Variants in BNIP3L observed in about 807,000 individuals in gnomAD.
BNIP3L encodes the protein BCL2/adenovirus E1B 19 kDa protein-interacting protein 3-like.
BNIP3L carries 10 observed loss-of-function variants against 25.5 expected under a neutral mutation model. That is an observed-to-expected ratio of 0.39 (90% confidence interval 0.24 to 0.67). BNIP3L has a LOEUF of 0.67. Ranked by LOEUF, BNIP3L falls within the 30% of genes least tolerant of loss-of-function variation. The pLI, the probability that BNIP3L is intolerant of heterozygous loss-of-function variation, is 0.45. For missense variants in BNIP3L, 215 were observed against 270.9 expected, an observed-to-expected ratio of 0.79 and a Z score of 1.45; for synonymous variants, 113 against 101.2, an observed-to-expected ratio of 1.12 and a Z score of -0.70.
At chr8:26,383,510 T>A (rs1300550776) in intron 1 of BNIP3L, 34 of 769,820 alleles carry the variant, frequency 4.4e-5, no homozygotes, top group East Asian at 1.8e-4. Flanking sequence ...CGGGGGGTGG[T>A]CCCCAGCAGC....
At chr8:26,405,510 C>T (rs147132290) in intron 3 of BNIP3L, among the ~76,000 whole-genome samples, 11 of 152,142 alleles carry the variant, frequency 7.2e-5, no homozygotes, top group Non-Finnish European at 1.0e-4. Flanking sequence ...AGCAGCAGAA[C>T]GCACAGGGGT....
At chr8:26,409,901 T>C (rs1268629528) in intron 5 of BNIP3L, among the ~76,000 whole-genome samples, 2 of 151,800 alleles carry the variant, frequency 1.3e-5, no homozygotes, top group African/African-American at 4.8e-5. Context: ...TAGGAGTTAT[T>C]AGTAAGAGCT....
intron 1 of BNIP3L, among the ~76,000 whole-genome samples, chr8:26,383,767 C>T (rs374745205): frequency 2.6e-5 from 4 of 152,194 alleles, no homozygotes; most frequent in South Asian, 2.1e-4. Context: ...TTTGTTGCCA[C>T]ACGTTTGTCA....
At chr8:26,384,508 T>C (rs1324362403) in intron 1 of BNIP3L, among the ~76,000 whole-genome samples, 1 of 152,214 alleles carries the variant, frequency 6.6e-6, no homozygotes, top group African/African-American at 2.4e-5. Flanking sequence ...AAACGTTACT[T>C]GTATCACATA....
intron 1 of BNIP3L, among the ~76,000 whole-genome samples, chr8:26,385,161 G>C (rs1805965288): frequency 6.6e-6 from 1 of 152,134 alleles, no homozygotes; most frequent in African/African-American, 2.4e-5. Context: ...GACAAAGGTG[G>C]CCAACCTTTC....
rs185895721 is a variant in BNIP3L, at chr8:26,406,692, C to T, written c.358-1308C>T. Among the ~76,000 whole-genome samples the T allele has an allele frequency of 2.3e-3, 345 of 151,896 alleles. 2 individuals carry two copies. Among genetic ancestry groups the T allele is most frequent in the African/African-American group, 8.0e-3 (330 of 41,432 alleles). Reference sequence around the variant, plus strand: ...CAAAAATTAGCTGGGCGTGGTGGCACACACCTGTAGTCCCAGCTACTTGGG... The same window carrying T: ...CAAAAATTAGCTGGGCGTGGTGGCATACACCTGTAGTCCCAGCTACTTGGG... On this transcript the variant is annotated intron_variant, in intron 3 of 5. Coordinates refer to ENST00000380629, the MANE Select transcript of BNIP3L (RefSeq NM_004331.3).
chr8:26,407,272 G>A (rs907131330), intron 3 of BNIP3L, among the ~76,000 whole-genome samples: 10 of 151,420 alleles, frequency 6.6e-5, no homozygotes, highest in South Asian at 4.2e-4. Flanking sequence ...TGCAAGCTCC[G>A]CCTCCTGGGT....
rs918541147 is a variant in BNIP3L at position 26,389,243 on chromosome 8, T to C, written c.101-2000T>C. ...ATTGGTTTAAAAATAAGTTTGAAAA[T>C]CCTAGAAACAGTGAGAGTCAGAAAA... On this transcript the variant is annotated intron_variant, in intron 1 of 5. Transcript: ENST00000380629. Among the ~76,000 whole-genome samples, 6 of 152,016 alleles carry C rather than the reference T, an allele frequency of 3.9e-5. No individual in the cohort carries two copies. In the East Asian group the frequency reaches 1.2e-3, roughly 29 times the overall value.
intron 2 of BNIP3L, among the ~76,000 whole-genome samples, chr8:26,391,802 A>G (rs985894054): frequency 6.6e-6 from 1 of 152,202 alleles, no homozygotes; most frequent in Admixed American, 6.5e-5. Flanking sequence ...CTCTGTATAT[A>G]TGTGTCTTCC....
rs1445329698 is a variant in BNIP3L, at chr8:26,411,859, C to T, written c.*1447C>T. On this transcript the variant is annotated 3_prime_UTR_variant, in exon 6 of 6. Transcript: ENST00000380629. The stretch of plus-strand genomic sequence containing the variant: ...CATTGATATTGACTATTTAGAGAAC[C>T]GTTGTTAATTTTAAAACTAGCAATC... 5 of 152,390 alleles carry T rather than the reference C, an allele frequency of 3.3e-5. No individual in the cohort carries two copies. Among genetic ancestry groups the T allele is most frequent in the East Asian group, 1.9e-4 (1 of 5,192 alleles). The allele number at this position is 152,390 out of a possible 1,614,324, so 9.4% of individuals were successfully genotyped here. A position where few individuals can be genotyped will look rare whatever the true frequency, so the allele number is the denominator to read the frequency against.
At position 26,412,243 on chromosome 8, in the gene BNIP3L, G is replaced by T. The variant is rs1373026805; in HGVS notation, c.*1831G>T. The T allele has an allele frequency of 2.0e-5, 3 of 152,124 alleles. No individual in the cohort carries two copies. The South Asian group carries it at 6.2e-4, about 32-fold the overall frequency. 9.4% of individuals were successfully genotyped at this position (152,124 alleles called of 1,614,324 possible). A position where few individuals can be genotyped will look rare whatever the true frequency, so the allele number is the denominator to read the frequency against. On this transcript the variant is annotated 3_prime_UTR_variant, in exon 6 of 6. Transcript: ENST00000380629. ...CAAGTGTTCATATTTGAATTTCTTT[G>T]GGAAGAAAGTAAATCTGATGGCTCA...
Position 26,408,260 on chromosome 8 carries a change from G to C in BNIP3L, c.495G>C (p.Val165=). Residue 165 remains valine (V), a synonymous_variant, in exon 5 of 6, where the codon GTG becomes GTC. Transcript: ENST00000380629. ...ACTTCAGACACCCTAAACGTTCTGT[G>C]TCTTTAAGCATGAGGAAAAGTGGAG... ...EFHFRHPKRS[V]SLSMRKSGAM... 1 of 1,614,130 alleles carries C rather than the reference G, an allele frequency of 6.2e-7. No homozygotes were observed.
intron 1 of BNIP3L, among the ~76,000 whole-genome samples, chr8:26,390,742 C>T (rs1291360421): frequency 6.6e-6 from 1 of 152,182 alleles, no homozygotes; most frequent in Non-Finnish European, 1.5e-5. Context: ...CAGTTGTTTG[C>T]ACTAAGTAGG....
At chr8:26,396,445 A>G (rs1268057574) in intron 3 of BNIP3L, among the ~76,000 whole-genome samples, 3 of 108,060 alleles carry the variant, frequency 2.8e-5, no homozygotes, top group Non-Finnish European at 5.6e-5. Context: ...AACAAACAGA[A>G]AGGACATCCA....
chr8:26,408,534 A>G (rs1013018334), intron 5 of BNIP3L, among the ~76,000 whole-genome samples, 158 bp downstream of exon 5: 1 of 152,202 alleles, frequency 6.6e-6, no homozygotes, highest in South Asian at 2.1e-4. Context: ...TTGTTCTACA[A>G]ATAAGCATTT....
In BNIP3L at chr8:26,411,905, C is replaced by CT. The variant is rs1806633920; in HGVS notation, c.*1495dup. 6.6e-6 allele frequency: 1 copy of CT among 152,570 alleles called. No homozygotes were observed. The highest frequency in any genetic ancestry group is 1.5e-5 in the Non-Finnish European group (1 of 68,016). 9.5% of individuals were successfully genotyped at this position (152,570 alleles called of 1,614,324 possible). On this transcript the variant is annotated 3_prime_UTR_variant, in exon 6 of 6. Transcript: ENST00000380629. Reference sequence around the variant, plus strand: ...CAATCTATAAAGTGCACCAGGTCAACTTGAATAAAAACACTATGACAGACA... The same window carrying CT: ...CAATCTATAAAGTGCACCAGGTCAACTTTGAATAAAAACACTATGACAGACA...
intron 3 of BNIP3L, among the ~76,000 whole-genome samples, chr8:26,397,327 TAAAGA>T (rs1806268450): frequency 4.1e-5 from 2 of 48,438 alleles, no homozygotes; most frequent in Admixed American, 2.3e-4. Flanking sequence ...TCAACATTCT[TAAAGA>T]AAAGAATTTT....
chr8:26,383,216 C>G lies in BNIP3L; in HGVS notation c.86C>G (p.Pro29Arg). The change falls in exon 1 of 6, where the codon CCG (proline) becomes CGG (arginine). Residue 29 changes from proline (P) to arginine (R), a missense_variant. By Grantham distance (103) the Pro-to-Arg change is moderately radical (BLOSUM62 -2). Around this residue, in one of 4 missense-constraint regions of BNIP3L, gnomAD observed 69 missense variants for 53.6 expected, o/e 1.29. Transcript: ENST00000380629. ...GAAAATGAGCAGTCTCTGCCCCCGC[C>G]GGCCGGCCTCAACAGTGAGTGCGGG... is the stretch of plus-strand genomic sequence containing the variant. The part of the protein sequence containing the change: ...CEENEQSLPP[P>R]AGLNSSWVEL... The G allele has an allele frequency of 6.2e-7, 1 of 1,610,642 alleles. No individual in the cohort carries two copies. The highest frequency in any genetic ancestry group is 2.2e-5 in the East Asian group (1 of 44,804).
intron 1 of BNIP3L, among the ~76,000 whole-genome samples, chr8:26,388,240 A>G (rs76124674): frequency 0.019 from 2,923 of 152,308 alleles, 90 homozygotes; most frequent in African/African-American, 0.067. Context: ...TCTATGATAT[A>G]GAATATAATT....
Sources: allele counts gnomAD v4.1 joint callset (sites outside exome capture counted in the v4.1 genomes callset), GRCh38; gene constraint gnomAD v4.1.1; regional missense constraint gnomAD v4.1.1; transcripts MANE v1.5; gene names NCBI Gene and HGNC (gene_info 2026-07-23, HGNC 2026-07-21).